Variants in UBXN11 observed in about 807,000 individuals in gnomAD.
UBXN11 encodes UBX domain-containing protein 11.
Under a neutral mutation model 62.8 loss-of-function variants are expected in UBXN11, and 47 were observed. The ratio of observed to expected loss-of-function variants is 0.75; its 90% CI spans 0.59 to 0.95. The LOEUF (loss-of-function observed/expected upper bound fraction) is 0.95. UBXN11 is among the 40% of genes least tolerant of loss of function. The pLI, the probability that UBXN11 is intolerant of heterozygous loss-of-function variation, is 0.00. For missense variants in UBXN11, 638 were observed against 661.7 expected (o/e 0.96, Z 0.39); for synonymous variants, 294 against 267.0 (o/e 1.10, Z -0.99).
chr1:26,284,820 C>A (rs141804248), intron 10 of UBXN11: 6 of 1,074,728 alleles, frequency 5.6e-6, no homozygotes, highest in Non-Finnish European at 6.8e-6. Flanking sequence ...CAGCACAAAC[C>A]GCATCATCGT....
chr1:26,296,579 A>G (rs1201756747), intron 7 of UBXN11, among the ~76,000 whole-genome samples: 2 of 152,108 alleles, frequency 1.3e-5, no homozygotes, highest in East Asian at 1.9e-4. Context: ...TGGAGGGGAG[A>G]GTGGTTCAAG....
At position 26,301,172 on chromosome 1, in the gene UBXN11, C is replaced by T. The variant is rs560243619; in HGVS notation, c.101-148G>A. On this transcript the variant is annotated intron_variant, in intron 3 of 14. Transcript: ENST00000374222. ...ATTCACAAGGCTGGGGAGCAAGGAT[C>T]CAACCAGAATGGGGCTGTTTTGGAG... The T allele has an allele frequency of 6.1e-6, 9 of 1,467,884 alleles. No homozygotes were observed. In the South Asian group the frequency reaches 1.1e-4, roughly 17 times the overall value. The allele number at this position is 1,467,884 out of a possible 1,614,324, so 90.9% of individuals were successfully genotyped here. A position where few individuals can be genotyped will look rare whatever the true frequency, so the allele number is the denominator to read the frequency against.
rs367556666 is a variant in UBXN11, at chr1:26,285,838, G to A, written c.759C>T (p.Tyr253=). ...MMFDGPFQPF[Y]DPSTQRCLRD... is the part of the protein sequence containing the mutation. Reference sequence around the variant, plus strand: ...CCGCTCCTACCTGTGTGGAGGGATCGTAGAAGGGCTGGAAGGGCCCGTCGA... The same window carrying A: ...CCGCTCCTACCTGTGTGGAGGGATCATAGAAGGGCTGGAAGGGCCCGTCGA... Residue 253 remains tyrosine (Y), a synonymous_variant, in exon 9 of 15, where the codon TAC becomes TAT. Transcript: ENST00000374222. 260 of 1,607,266 alleles carry A rather than the reference G, an allele frequency of 1.6e-4. No individual in the cohort carries two copies. Among genetic ancestry groups the A allele is most frequent in the African/African-American group, 7.9e-4 (59 of 74,946 alleles).
rs866364684 is a variant in UBXN11 at position 26,285,484 on chromosome 1, G to A, written c.832C>T (p.Pro278Ser). 4.4e-6 allele frequency: 7 copies of A among 1,607,332 alleles called. No individual in the cohort carries two copies. Among genetic ancestry groups the A allele is most frequent in the Non-Finnish European group, 4.3e-6 (5 of 1,175,478 alleles). ...FFPSELQRLY[P>S]NGVPFKVSDL... The stretch of plus-strand genomic sequence containing the variant: ...ATCACCTTAAAGGGGACCCCATTGG[G>A]GTACAGTCGCTGGAGCTCTGAGGGA... The change falls in exon 10 of 15, where the codon CCC becomes TCC. Residue 278 changes from proline (P) to serine (S), a missense_variant. Pro to Ser is a moderately conservative substitution (Grantham distance 74, BLOSUM62 -1). Coordinates refer to ENST00000374222, the MANE Select transcript of UBXN11 (RefSeq NM_001389556.1).
rs140364749 is a variant in UBXN11, at chr1:26,282,386, G to GCCGGGACCGGGA, written c.1464_1475dup (p.Gly490_Pro493dup). ...GGCCGGGACCGGGACCGGGACTGGGGCCGGGACCGGGACCGGGACAGGGAC... is the reference window on the plus strand; with the variant it reads ...GGCCGGGACCGGGACCGGGACTGGGGCCGGGACCGGGACCGGGACCGGGACCGGGACAGGGAC... On this transcript the variant is annotated inframe_insertion, in exon 15 of 15. Coordinates refer to ENST00000374222, the MANE Select transcript of UBXN11 (RefSeq NM_001389556.1). 5.0e-6 allele frequency: 4 copies of GCCGGGACCGGGA among 804,130 alleles called. No homozygotes were observed. In the Admixed American group the frequency reaches 1.5e-4, roughly 30 times the overall value. 49.8% of individuals were successfully genotyped at this position (804,130 alleles called of 1,614,324 possible). A position where few individuals can be genotyped will look rare whatever the true frequency, so the allele number is the denominator to read the frequency against.
intron 8 of UBXN11, among the ~76,000 whole-genome samples, chr1:26,288,509 G>A (rs1458073730): frequency 1.3e-5 from 2 of 152,100 alleles, no homozygotes; most frequent in African/African-American, 4.8e-5. Flanking sequence ...ACCACAGCAG[G>A]GCCTTGTGAA....
In UBXN11 at chr1:26,294,274, A is replaced by G; in HGVS notation, c.490T>C (p.Ser164Pro). Residue 164 changes from serine to proline, a missense_variant, in exon 8 of 15, where the codon TCA (serine) becomes CCA (proline). By Grantham distance (74) the Ser-to-Pro change is moderately conservative. Transcript: ENST00000374222. ...WVGEPMDQED[S>P]ESKTVSEHGE... ...TGCTCTGAGACTGTCTTGCTCTCTG[A>G]GTCCTCCTGGTCCATGGGCTCGCCC... is the stretch of plus-strand genomic sequence containing the variant. The G allele has an allele frequency of 6.2e-7, 1 of 1,614,176 alleles. No homozygotes were observed. The highest frequency in any genetic ancestry group is 1.1e-5 in the South Asian group (1 of 91,082).
chr1:26,303,779 G>A (rs1192508877), intron 1 of UBXN11, among the ~76,000 whole-genome samples: 2 of 152,114 alleles, frequency 1.3e-5, no homozygotes, highest in East Asian at 1.9e-4. Flanking sequence ...GTTCTGAGCA[G>A]ATTCAGAGAT....
chr1:26,305,207 TCTC>T (rs2073635674), intron 1 of UBXN11, among the ~76,000 whole-genome samples: 1 of 151,896 alleles, frequency 6.6e-6, no homozygotes, highest in Admixed American at 6.6e-5. Flanking sequence ...TTCAAGCAAT[TCTC>T]CTGCCTCAGC....
chr1:26,287,907 T>A (rs372699815), intron 8 of UBXN11, among the ~76,000 whole-genome samples: 4 of 4,242 alleles, frequency 9.4e-4, no homozygotes, highest in Non-Finnish European at 8.5e-3. Context: ...GCCTCAACCC[T>A]TTTTTTTTTT....
At chr1:26,309,908 A>G (rs1197226387), upstream of UBXN11, among the ~76,000 whole-genome samples, 3 of 152,166 alleles carry the variant, frequency 2.0e-5, no homozygotes, top group African/African-American at 2.4e-5. Context: ...AAATTCCTAT[A>G]ATGTTGTTGC....
At chr1:26,311,000 T>C (rs1281895912), upstream of UBXN11, among the ~76,000 whole-genome samples, 1 of 152,098 alleles carries the variant, frequency 6.6e-6, no homozygotes, top group Non-Finnish European at 1.5e-5. Flanking sequence ...GTGGTGGATA[T>C]TCAGTCTGAT....
At chr1:26,283,331 C>T (rs910205545) in intron 12 of UBXN11, among the ~76,000 whole-genome samples, 9 of 152,164 alleles carry the variant, frequency 5.9e-5, no homozygotes, top group African/African-American at 2.2e-4. Context: ...CAACAAAGAT[C>T]CTGGGTTCAG....
chr1:26,294,320 A>G lies in UBXN11; in HGVS notation c.444T>C (p.Ser148=), dbSNP rs2073344030. The change falls in exon 8 of 15, where the codon AGT becomes AGC. Residue 148 remains serine, a synonymous_variant. Coordinates refer to ENST00000374222, the MANE Select transcript of UBXN11 (RefSeq NM_001389556.1). ...CGCCCACCCACTGCAGGCCATAGTC[A>G]CTGAGGAACCGCTGTGGGAAAGAAG... is the stretch of plus-strand genomic sequence containing the variant. ...RQVREMERFL[S]DYGLQWVGEP... 1 of 1,612,142 alleles carries G rather than the reference A, an allele frequency of 6.2e-7. No individual in the cohort carries two copies. Among genetic ancestry groups the G allele is most frequent in the Non-Finnish European group, 8.5e-7 (1 of 1,179,556 alleles).
chr1:26,292,133 C>T (rs919552391), intron 8 of UBXN11, among the ~76,000 whole-genome samples: 6 of 152,190 alleles, frequency 3.9e-5, no homozygotes, highest in African/African-American at 1.2e-4. Context: ...TAAGTCTTGC[C>T]CCTCTTCCCT....
chr1:26,305,592 A>G (rs2073647268), intron 1 of UBXN11, among the ~76,000 whole-genome samples: 1 of 152,162 alleles, frequency 6.6e-6, no homozygotes. Context: ...AATGGAATAT[A>G]TACTAAAATA....
chr1:26,297,145 C>T (rs986660097), intron 6 of UBXN11, 150 bp from the exon 7 acceptor site: 12 of 987,296 alleles, frequency 1.2e-5, no homozygotes, highest in Admixed American at 2.5e-5. Context: ...CCTCTGACCC[C>T]GTGGCGGTGC....
At chr1:26,306,835 G>C (rs1016190403), upstream of UBXN11, 93 of 84,614 alleles carry the variant, frequency 1.1e-3, 9 homozygotes, top group African/African-American at 3.5e-3. Context: ...GGGGTGGGGG[G>C]GGGGGGTGGT....
intron 1 of UBXN11, among the ~76,000 whole-genome samples, chr1:26,313,696 T>C (rs1165353371): frequency 6.6e-6 from 1 of 152,208 alleles, no homozygotes; most frequent in East Asian, 1.9e-4. Context: ...AATCTGATGT[T>C]AAACCTATCC....
Sources: allele counts gnomAD v4.1 joint callset (sites outside exome capture counted in the v4.1 genomes callset), GRCh38; gene constraint gnomAD v4.1.1; transcripts MANE v1.5; gene names NCBI Gene and HGNC (gene_info 2026-07-23, HGNC 2026-07-21).